The following PADI2 variants were observed in gnomAD, a reference collection of about 807,000 sequenced individuals.
PADI2 encodes the protein peptidyl arginine deiminase 2, also known as protein-arginine deiminase type-2.
Under a neutral mutation model 81.1 loss-of-function variants are expected in PADI2, and 70 were observed. The ratio of observed to expected loss-of-function variants is 0.86; its 90% CI spans 0.71 to 1.05. The LOEUF is 1.05. Among genes scored for constraint, PADI2 ranks in the 50% least tolerant of loss-of-function variants. The probability of loss-of-function intolerance (pLI) is 0.00; values close to 1 mark genes in which losing one functional copy is unlikely to be tolerated. For missense variants in PADI2, 853 were observed against 889.9 expected (o/e 0.96, Z 0.53); for synonymous variants, 338 against 358.0 (o/e 0.94, Z 0.63).
At chr1:17,104,431 CTTTTTTTTT>C in intron 2 of PADI2, among the ~76,000 whole-genome samples, 1 of 79,814 alleles carries the variant, frequency 1.3e-5, no homozygotes, top group East Asian at 4.3e-4. Flanking sequence ...TTTGCCTTTT[CTTTTTTTTT>C]TTTTTTTTTT....
At chr1:17,112,145 G>C (rs965635130) in intron 1 of PADI2, among the ~76,000 whole-genome samples, 1 of 152,174 alleles carries the variant, frequency 6.6e-6, no homozygotes, top group African/African-American at 2.4e-5. Context: ...GGTGGCTGCA[G>C]CTGCCCACGT....
At chr1:17,091,665 G>A (rs1223940256) in intron 6 of PADI2, among the ~76,000 whole-genome samples, 1 of 152,112 alleles carries the variant, frequency 6.6e-6, no homozygotes, top group African/African-American at 2.4e-5. Context: ...CTGAGTCTCA[G>A]CTCAGATGTC....
intron 13 of PADI2, among the ~76,000 whole-genome samples, chr1:17,072,074 T>C (rs2078268309): frequency 6.6e-6 from 1 of 152,254 alleles, no homozygotes; most frequent in South Asian, 2.1e-4. Context: ...CACATTTCTA[T>C]GGGGTAGTCA....
In PADI2 at chr1:17,115,084, C is replaced by T. The variant is rs544855126; in HGVS notation, c.92+4196G>A. 1.1e-4 allele frequency among the ~76,000 whole-genome samples: 17 copies of T among 152,370 alleles called. No homozygotes were observed. Among genetic ancestry groups the T allele is most frequent in the African/African-American group, 4.1e-4 (17 of 41,594 alleles). On this transcript the variant is annotated intron_variant, in intron 1 of 15. Transcript: ENST00000375486. The surrounding 1 kb of genome is among the most constrained non-coding windows in gnomAD (Gnocchi z 4.1). The stretch of plus-strand genomic sequence containing the variant: ...ATACATCTCTAGCCTTCACACCAAC[C>T]AAGAGACAGAAAGTCTGGGAGTGAG...
At chr1:17,089,918 G>A (rs1263511018) in intron 6 of PADI2, among the ~76,000 whole-genome samples, 1 of 152,138 alleles carries the variant, frequency 6.6e-6, no homozygotes, top group Non-Finnish European at 1.5e-5. Context: ...ACTTCCCAGC[G>A]AGACTCCTTG....
chr1:17,099,647 GGAA>G (rs1426456622), intron 3 of PADI2, among the ~76,000 whole-genome samples: 2 of 152,162 alleles, frequency 1.3e-5, no homozygotes, highest in Non-Finnish European at 2.9e-5. Context: ...AATCCCAGAA[GGAA>G]GAAGGAGAGA....
chr1:17,112,594 G>A (rs1374860857), intron 1 of PADI2, among the ~76,000 whole-genome samples: 4 of 152,160 alleles, frequency 2.6e-5, no homozygotes, highest in South Asian at 2.1e-4. Flanking sequence ...AAGGACCAGC[G>A]GGGAGAATGA....
rs528218918 is a variant in PADI2 at position 17,116,769 on chromosome 1, G to A, written c.92+2511C>T. Among the ~76,000 whole-genome samples, 5 of 152,248 alleles carry A rather than the reference G, an allele frequency of 3.3e-5. No individual in the cohort carries two copies. The East Asian group carries it at 9.7e-4, about 29-fold the overall frequency. ...ATGGGATGATCAATGAACCCTCCAG[G>A]GTCTATGGTGAGGAAGAAAGGAGGT... is the stretch of plus-strand genomic sequence containing the variant. On this transcript the variant is annotated intron_variant, in intron 1 of 15. Transcript: ENST00000375486.
chr1:17,087,921 A>C lies in PADI2; in HGVS notation c.656-1222T>G, dbSNP rs553321184. Among the ~76,000 whole-genome samples the C allele has an allele frequency of 3.3e-5, 5 of 152,324 alleles. No individual in the cohort carries two copies. In the East Asian group the frequency reaches 9.7e-4, roughly 29 times the overall value. On this transcript the variant is annotated intron_variant, in intron 6 of 15. Coordinates refer to ENST00000375486, the MANE Select transcript of PADI2 (RefSeq NM_007365.3). ...TAACAAATGTCTACTGAACGAACCA[A>C]TGACTCCCACAACATTCCCTGTGGG... is the stretch of plus-strand genomic sequence containing the variant.
intron 6 of PADI2, among the ~76,000 whole-genome samples, chr1:17,088,492 G>A (rs1930546973): frequency 6.6e-6 from 1 of 152,192 alleles, no homozygotes; most frequent in Non-Finnish European, 1.5e-5. Context: ...GGCTCCTCCT[G>A]TGGGACAATG....
intron 1 of PADI2, among the ~76,000 whole-genome samples, chr1:17,111,326 T>G (rs191819696): frequency 1.3e-5 from 2 of 152,090 alleles, no homozygotes; most frequent in South Asian, 2.1e-4. Flanking sequence ...GACTCCTGAC[T>G]TCAAGTGATC....
chr1:17,067,852 T>C lies in PADI2; in HGVS notation c.*1192A>G, dbSNP rs2078234605. 1 of 152,316 alleles carries C rather than the reference T, an allele frequency of 6.6e-6. No individual in the cohort carries two copies. The highest frequency in any genetic ancestry group is 2.4e-5 in the African/African-American group (1 of 41,478). The allele number at this position is 152,316 out of a possible 1,614,324, so 9.4% of individuals were successfully genotyped here. On this transcript the variant is annotated 3_prime_UTR_variant, in exon 16 of 16. Coordinates refer to ENST00000375486, the MANE Select transcript of PADI2 (RefSeq NM_007365.3). ...TCAAAATGGGATTATAATTCATTTA[T>C]TCTTCTGGCCCTAAAGGAACTTTTA...
intron 5 of PADI2, 77 bp downstream of exon 5, chr1:17,093,490 C>A: frequency 3.1e-6 from 3 of 968,010 alleles, no homozygotes; most frequent in Non-Finnish European, 3.3e-6. Flanking sequence ...CTGCCTCACC[C>A]TCAGCCCAGC....
chr1:17,110,794 TTGCCCCCACAGTTACTGGCCCTTTTGGC>T (rs1931549860), intron 1 of PADI2, among the ~76,000 whole-genome samples: 1 of 152,228 alleles, frequency 6.6e-6, no homozygotes, highest in Non-Finnish European at 1.5e-5. Flanking sequence ...CTCCATCCAT[TTGCCCCCACAGTTACTGGCCCTTTTGGC>T]AGTTCACTCC....
At chr1:17,073,149 G>T (rs2078275966) in intron 13 of PADI2, among the ~76,000 whole-genome samples, 1 of 152,218 alleles carries the variant, frequency 6.6e-6, no homozygotes, top group Non-Finnish European at 1.5e-5. Context: ...CGAGCATGGT[G>T]GCTCACGCCT....
At position 17,068,956 on chromosome 1, in the gene PADI2, C is replaced by T. The variant is rs758276308; in HGVS notation, c.*88G>A. ...CCCAAAGGTCTCCCAGCGGGGCTGTCCAGTCCATGTCAGCAGAAGGCTCTG... is the reference window on the plus strand; with the variant it reads ...CCCAAAGGTCTCCCAGCGGGGCTGTTCAGTCCATGTCAGCAGAAGGCTCTG... On this transcript the variant is annotated 3_prime_UTR_variant, in exon 16 of 16. Coordinates refer to ENST00000375486, the MANE Select transcript of PADI2 (RefSeq NM_007365.3). 9.5e-7 allele frequency: 1 copy of T among 1,049,234 alleles called. No individual in the cohort carries two copies. Among genetic ancestry groups the T allele is most frequent in the Non-Finnish European group, 1.5e-6 (1 of 671,986 alleles). The allele number at this position is 1,049,234 out of a possible 1,614,324, so 65.0% of individuals were successfully genotyped here.
At chr1:17,090,581 T>TGTGTGTGTG (rs1553182498) in intron 6 of PADI2, among the ~76,000 whole-genome samples, 8 of 142,740 alleles carry the variant, frequency 5.6e-5, no homozygotes, top group African/African-American at 2.1e-4. Flanking sequence ...CGTCCTTTGC[T>TGTGTGTGTG]TGTGTGTGTG....
At chr1:17,102,254 T>C (rs188480951) in intron 3 of PADI2, among the ~76,000 whole-genome samples, 137 of 152,290 alleles carry the variant, frequency 9.0e-4, no homozygotes, top group Non-Finnish European at 8.2e-4. Flanking sequence ...AGCATAAAAG[T>C]AATGCCTCAG....
At chr1:17,083,638 C>A in intron 9 of PADI2, 88 bp downstream of exon 9, 1 of 788,206 alleles carries the variant, frequency 1.3e-6, no homozygotes, top group Non-Finnish European at 2.3e-6. Context: ...TGCAGAGCTG[C>A]TGGGTGCCAG....
Sources: allele counts gnomAD v4.1 joint callset (sites outside exome capture counted in the v4.1 genomes callset), GRCh38; gene constraint gnomAD v4.1.1; non-coding constraint Gnocchi (gnomAD v3.1); transcripts MANE v1.5; gene names NCBI Gene and HGNC (gene_info 2026-07-23, HGNC 2026-07-21).